The following OSBPL6 variants were observed in gnomAD, a reference collection of about 807,000 sequenced individuals.
OSBPL6 encodes oxysterol-binding protein-related protein 6.
A neutral mutation model predicts 125.8 loss-of-function variants in OSBPL6; 49 were observed. That is an observed-to-expected ratio of 0.39 (90% confidence interval 0.31 to 0.49). OSBPL6 has a LOEUF of 0.49. OSBPL6 is among the 20% of genes least tolerant of loss of function. OSBPL6 has a pLI of 0.88. For missense variants in OSBPL6, 986 were observed against 1,135.4 expected (o/e 0.87, Z 1.89); for synonymous variants, 394 against 391.8 (o/e 1.01, Z -0.07).
At chr2:178,199,507 T>C (rs973390095) in intron 1 of OSBPL6, among the ~76,000 whole-genome samples, 2 of 152,248 alleles carry the variant, frequency 1.3e-5, no homozygotes, top group Non-Finnish European at 2.9e-5. Flanking sequence ...CTCTGAGATA[T>C]TGAGTCTTCA....
intron 4 of OSBPL6, among the ~76,000 whole-genome samples, chr2:178,327,735 T>C (rs180740870): frequency 1.3e-5 from 2 of 152,274 alleles, no homozygotes; most frequent in East Asian, 1.9e-4. Flanking sequence ...GTGTCTTATG[T>C]GCACTTTGGA....
At chr2:178,228,650 A>G (rs926327642) in intron 1 of OSBPL6, among the ~76,000 whole-genome samples, 2 of 152,264 alleles carry the variant, frequency 1.3e-5, no homozygotes, top group Admixed American at 6.5e-5. Flanking sequence ...ATTTACCCCA[A>G]TATAACCCAA....
At chr2:178,267,373 A>AAAC (rs1284652483) in intron 1 of OSBPL6, among the ~76,000 whole-genome samples, 1 of 150,422 alleles carries the variant, frequency 6.6e-6, no homozygotes, top group African/African-American at 2.5e-5. Context: ...AAAAAAAAAA[A>AAAC]AACAAAACAA....
At chr2:178,312,971 C>G (rs998984932) in intron 3 of OSBPL6, among the ~76,000 whole-genome samples, 16 of 151,548 alleles carry the variant, frequency 1.1e-4, no homozygotes, top group Non-Finnish European at 5.9e-5. Context: ...TCTCAGCTCA[C>G]TGCAACCTCC....
At chr2:178,246,337 AT>A (rs1237288676) in intron 1 of OSBPL6, among the ~76,000 whole-genome samples, 1 of 151,964 alleles carries the variant, frequency 6.6e-6, no homozygotes, top group Non-Finnish European at 1.5e-5. Context: ...ACCAGCCACC[AT>A]TTCCTGAGCA....
intron 19 of OSBPL6, among the ~76,000 whole-genome samples, chr2:178,386,387 T>G (rs1280908106): frequency 2.6e-5 from 4 of 152,186 alleles, no homozygotes; most frequent in Non-Finnish European, 5.9e-5. Flanking sequence ...GGTAAAGTGC[T>G]GGGCCCTGGT....
At chr2:178,242,348 T>C (rs2091324669) in intron 1 of OSBPL6, among the ~76,000 whole-genome samples, 1 of 152,228 alleles carries the variant, frequency 6.6e-6, no homozygotes, top group Non-Finnish European at 1.5e-5. Context: ...TGTAGTTGTC[T>C]AGCTGAGCAG....
chr2:178,270,220 A>G (rs2092346524), intron 1 of OSBPL6, among the ~76,000 whole-genome samples: 1 of 152,226 alleles, frequency 6.6e-6, no homozygotes, highest in Non-Finnish European at 1.5e-5. Context: ...TGGCTCCCTT[A>G]TCAAAGATGA....
chr2:178,291,640 A>G (rs909235105), intron 2 of OSBPL6, among the ~76,000 whole-genome samples: 2 of 151,176 alleles, frequency 1.3e-5, no homozygotes, highest in African/African-American at 4.9e-5. Flanking sequence ...GTTAGTGTTC[A>G]TAGAAAATAT....
chr2:178,198,745 A>G (rs1037868970), intron 1 of OSBPL6, among the ~76,000 whole-genome samples: 2 of 152,202 alleles, frequency 1.3e-5, no homozygotes, highest in Non-Finnish European at 2.9e-5. Context: ...ATATGGACAT[A>G]CTATTAGGGC....
chr2:178,214,216 G>T (rs2089989034), intron 1 of OSBPL6, among the ~76,000 whole-genome samples: 1 of 152,146 alleles, frequency 6.6e-6, no homozygotes, highest in East Asian at 1.9e-4. Context: ...TTGAACTTAT[G>T]TTTGAATATG....
At chr2:178,331,431 G>C in intron 5 of OSBPL6, 121 bp from the exon 6 acceptor site, 1 of 1,037,028 alleles carries the variant, frequency 9.6e-7, no homozygotes, top group Non-Finnish European at 1.5e-6. Context: ...ACTGAATCCA[G>C]ATACATTAAA....
chr2:178,379,467 GA>G (rs1233150566), intron 15 of OSBPL6, among the ~76,000 whole-genome samples: 2 of 147,294 alleles, frequency 1.4e-5, no homozygotes, highest in East Asian at 2.0e-4. Context: ...GAGGGAAGGA[GA>G]AAAAAAGAAA....
At chr2:178,336,870 T>C (rs1559262001) in intron 9 of OSBPL6, among the ~76,000 whole-genome samples, 1 of 152,200 alleles carries the variant, frequency 6.6e-6, no homozygotes, top group Non-Finnish European at 1.5e-5. Context: ...TCTCTTCTGC[T>C]CTGTCTTGCC....
At chr2:178,392,342 A>G (rs1695477106) in intron 22 of OSBPL6, 70 bp from the exon 23 acceptor site, 2 of 1,550,714 alleles carry the variant, frequency 1.3e-6, no homozygotes, top group Non-Finnish European at 8.9e-7. Flanking sequence ...ACTAAGTACT[A>G]GGGTAAGTCA....
chr2:178,352,827 C>T (rs966092899), intron 12 of OSBPL6, among the ~76,000 whole-genome samples: 1 of 152,164 alleles, frequency 6.6e-6, no homozygotes, highest in Non-Finnish European at 1.5e-5. Context: ...CTGGGAGACA[C>T]CTCCCAGTAA....
intron 1 of OSBPL6, among the ~76,000 whole-genome samples, chr2:178,235,587 T>C (rs1294869964): frequency 6.6e-6 from 1 of 151,992 alleles, no homozygotes; most frequent in Non-Finnish European, 1.5e-5. Flanking sequence ...TTTGTATTTT[T>C]AGAAGAGATG....
intron 2 of OSBPL6, among the ~76,000 whole-genome samples, chr2:178,296,613 C>T (rs1184681835): frequency 6.6e-6 from 1 of 152,140 alleles, no homozygotes; most frequent in Admixed American, 6.5e-5. Flanking sequence ...TAGATACTCC[C>T]ACCATAGTCT....
At chr2:178,254,724 G>A (rs1559166623) in intron 1 of OSBPL6, among the ~76,000 whole-genome samples, 2 of 152,162 alleles carry the variant, frequency 1.3e-5, no homozygotes, top group Non-Finnish European at 1.5e-5. Flanking sequence ...TACTTAAAAT[G>A]CCAGGGAGTA....
Sources: allele counts gnomAD v4.1 joint callset (sites outside exome capture counted in the v4.1 genomes callset), GRCh38; gene constraint gnomAD v4.1.1; transcripts MANE v1.5; gene names NCBI Gene and HGNC (gene_info 2026-07-23, HGNC 2026-07-21).